Variants in TRHDE observed in about 807,000 individuals in gnomAD.
TRHDE encodes the protein thyrotropin releasing hormone degrading enzyme.
TRHDE carries 72 observed loss-of-function variants against 125.7 expected under a neutral mutation model. That is an observed-to-expected ratio of 0.57 (90% CI 0.47 to 0.70). The LOEUF (loss-of-function observed/expected upper bound fraction) is 0.70. Ranked by LOEUF, TRHDE falls within the 30% of genes least tolerant of loss-of-function variation. The pLI is 0.00. For missense variants in TRHDE, 1,110 were observed against 1,327.1 expected (o/e 0.84, Z 2.54); for synonymous variants, 509 against 509.1 (o/e 1.00, Z 0.00).
intron 12 of TRHDE, among the ~76,000 whole-genome samples, chr12:72,614,758 A>T (rs1754969184): frequency 6.6e-6 from 1 of 152,084 alleles, no homozygotes; most frequent in Admixed American, 6.6e-5. Context: ...CTCACAGTTA[A>T]ATAGGTTATT....
intron 15 of TRHDE, among the ~76,000 whole-genome samples, chr12:72,644,254 A>C (rs1874187070): frequency 6.6e-6 from 1 of 152,086 alleles, no homozygotes; most frequent in South Asian, 2.1e-4. Context: ...AATGATCAGA[A>C]AGAGAATTCC....
intron 7 of TRHDE, among the ~76,000 whole-genome samples, chr12:72,558,042 G>A (rs1027946715): frequency 1.3e-5 from 2 of 149,580 alleles, no homozygotes; most frequent in Non-Finnish European, 3.0e-5. Flanking sequence ...GGGAGAGAGA[G>A]GAGAGAGAGA....
chr12:72,320,533 A>G (rs1565697488), intron 2 of TRHDE, among the ~76,000 whole-genome samples: 1 of 132,984 alleles, frequency 7.5e-6, no homozygotes, highest in Non-Finnish European at 1.6e-5. Flanking sequence ...CTATGGATAC[A>G]GAGGGTTGAC....
At chr12:72,470,041 T>C (rs1338871695) in intron 4 of TRHDE, 129 bp downstream of exon 4, 2 of 869,956 alleles carry the variant, frequency 2.3e-6, no homozygotes, top group Non-Finnish European at 3.4e-6. Flanking sequence ...ACTGTGTAGT[T>C]CTTTCTGGAA....
At chr12:72,543,788 T>TTATTA (rs1869271858) in intron 7 of TRHDE, among the ~76,000 whole-genome samples, 1 of 128,902 alleles carries the variant, frequency 7.8e-6, no homozygotes, top group Non-Finnish European at 1.6e-5. Flanking sequence ...AGGATTATTA[T>TTATTA]TTGGAAAGGA....
chr12:72,345,728 C>T (rs987710332), intron 2 of TRHDE, among the ~76,000 whole-genome samples: 3 of 151,772 alleles, frequency 2.0e-5, no homozygotes, highest in Admixed American at 6.6e-5. Context: ...TGTGGGCTCC[C>T]GGTGGGCATA....
Position 72,126,716 on chromosome 12 carries a change from T to G in TRHDE, n.279+20964T>G, listed in dbSNP as rs1875721369. On this transcript the variant is annotated intron_variant and non_coding_transcript_variant, in intron 2 of 4. Coordinates refer to the TRHDE transcript ENST00000548156. Reference sequence around the variant, plus strand: ...ACAAAAGTTAAGATGAATTAAAGATTTAAATGTAAGACCTCAAACTATAAG... The same window carrying G: ...ACAAAAGTTAAGATGAATTAAAGATGTAAATGTAAGACCTCAAACTATAAG... Among the ~76,000 whole-genome samples, 3 of 152,148 alleles carry G rather than the reference T, an allele frequency of 2.0e-5. No homozygotes were observed. In the South Asian group the frequency reaches 6.2e-4, roughly 32 times the overall value.
rs1172768397 is a variant in TRHDE, at chr12:72,619,081, C to T, written c.2469+43C>T. On this transcript the variant is annotated intron_variant, in intron 13 of 18. Coordinates refer to ENST00000261180, the MANE Select transcript of TRHDE (RefSeq NM_013381.3). ...TTCTTTCTAATTTTTAGAAGATACA[C>T]TATTTTATTCTCTTTCTACTATTAT... 7 of 1,381,298 alleles carry T rather than the reference C, an allele frequency of 5.1e-6. No homozygotes were observed. In the East Asian group the frequency reaches 1.6e-4, roughly 32 times the overall value. The allele number at this position is 1,381,298 out of a possible 1,614,324, so 85.6% of individuals were successfully genotyped here. A position where few individuals can be genotyped will look rare whatever the true frequency, so the allele number is the denominator to read the frequency against.
At chr12:72,457,868 G>A (rs1468247126) in intron 3 of TRHDE, among the ~76,000 whole-genome samples, 1 of 152,156 alleles carries the variant, frequency 6.6e-6, no homozygotes, top group Non-Finnish European at 1.5e-5. Context: ...AATTTCAAGA[G>A]TTAGGAATGG....
chr12:72,412,809 T>A (rs1389857218), intron 3 of TRHDE, among the ~76,000 whole-genome samples: 1 of 152,090 alleles, frequency 6.6e-6, no homozygotes, highest in Non-Finnish European at 1.5e-5. Flanking sequence ...ACTATGTAAT[T>A]TCATGTATAT....
chr12:72,274,418 C>T (rs1237217856), intron 1 of TRHDE: 1 of 152,196 alleles, frequency 6.6e-6, no homozygotes, highest in Non-Finnish European at 1.5e-5. Context: ...GAGCTTTTCA[C>T]CACTTGTTTA....
intron 6 of TRHDE, among the ~76,000 whole-genome samples, chr12:72,515,821 A>C (rs944528862): frequency 2.0e-5 from 3 of 151,772 alleles, no homozygotes; most frequent in African/African-American, 7.3e-5. Flanking sequence ...TTTTTGTATA[A>C]GGTGTAAGGA....
At chr12:72,491,526 T>A (rs1877684321) in intron 5 of TRHDE, among the ~76,000 whole-genome samples, 1 of 151,934 alleles carries the variant, frequency 6.6e-6, no homozygotes, top group South Asian at 2.1e-4. Flanking sequence ...GCATTTTCCC[T>A]TAGCCGCATC....
At chr12:72,577,397 A>G (rs1411597698) in intron 12 of TRHDE, among the ~76,000 whole-genome samples, 1 of 152,222 alleles carries the variant, frequency 6.6e-6, no homozygotes, top group African/African-American at 2.4e-5. Context: ...GAGGTCACAC[A>G]GCTGATAATT....
intron 2 of TRHDE, among the ~76,000 whole-genome samples, chr12:72,144,916 C>A (rs1264911269): frequency 6.6e-6 from 1 of 152,190 alleles, no homozygotes; most frequent in Non-Finnish European, 1.5e-5. Context: ...TATTCTCAGC[C>A]TTTCATGCCT....
At chr12:72,497,422 C>A (rs1877968512) in intron 5 of TRHDE, among the ~76,000 whole-genome samples, 1 of 151,962 alleles carries the variant, frequency 6.6e-6, no homozygotes, top group South Asian at 2.1e-4. Context: ...TTATTGTTAT[C>A]AAATATTAAA....
At chr12:72,158,134 T>A (rs908833996) in intron 2 of TRHDE, among the ~76,000 whole-genome samples, 21 of 152,208 alleles carry the variant, frequency 1.4e-4, no homozygotes, top group African/African-American at 4.6e-4. Flanking sequence ...TCAATGAAAG[T>A]CTGACGGAGA....
chr12:72,194,350 C>T (rs1877396761), intron 2 of TRHDE, among the ~76,000 whole-genome samples: 1 of 152,036 alleles, frequency 6.6e-6, no homozygotes, highest in South Asian at 2.1e-4. Flanking sequence ...ACTATTGCAC[C>T]AGCCTTCTTA....
At chr12:72,649,884 TG>T (rs2136108009) in intron 15 of TRHDE, among the ~76,000 whole-genome samples, 1 of 151,920 alleles carries the variant, frequency 6.6e-6, no homozygotes, top group South Asian at 2.1e-4. Context: ...ACACAGCAAA[TG>T]TTGTCAAGGT....
Sources: gnomAD v4.1 joint callset for allele counts (sites outside exome capture counted in the v4.1 genomes callset) on GRCh38, gnomAD v4.1.1 for gene constraint, MANE v1.5 for transcripts, NCBI Gene and HGNC (gene_info 2026-07-23, HGNC 2026-07-21) for gene names.